Variants in SCN2A observed in about 807,000 individuals in gnomAD.
SCN2A encodes the protein sodium channel protein type 2 subunit alpha.
In SCN2A, 20 loss-of-function variants were observed where a neutral mutation model predicts 188.7. The ratio of observed to expected loss-of-function variants is 0.11; its 90% CI spans 0.07 to 0.15. The LOEUF (loss-of-function observed/expected upper bound fraction) is 0.15, where lower values mean the gene tolerates loss of function less well. Ranked by LOEUF, SCN2A falls within the 10% of genes least tolerant of loss-of-function variation. SCN2A has a pLI of 1.00. For missense variants in SCN2A, 1,278 were observed against 2,445.0 expected (o/e 0.52, Z 10.07); for synonymous variants, 804 against 833.1 (o/e 0.97, Z 0.60).
At chr2:165,383,008 C>T in intron 25 of SCN2A, among the ~76,000 whole-genome samples, 1 of 152,096 alleles carries the variant, frequency 6.6e-6, no homozygotes, top group Non-Finnish European at 1.5e-5. Flanking sequence ...AAAAGTTCAA[C>T]ACATTCAGCT....
intron 14 of SCN2A, among the ~76,000 whole-genome samples, chr2:165,337,019 C>CA (rs1699038439): frequency 6.7e-6 from 1 of 149,622 alleles, no homozygotes; most frequent in South Asian, 2.1e-4. Context: ...TTAGAATAAA[C>CA]AAAAAAGGAC....
chr2:165,328,986 C>CTTTTTTT (rs1269103949), intron 13 of SCN2A, among the ~76,000 whole-genome samples: 106 of 89,326 alleles, frequency 1.2e-3, no homozygotes, highest in Non-Finnish European at 1.5e-3. Flanking sequence ...TAAGATAGTC[C>CTTTTTTT]TTTTTTTTTT....
At chr2:165,368,738 G>T (rs1164637520) in intron 19 of SCN2A, among the ~76,000 whole-genome samples, 1 of 152,122 alleles carries the variant, frequency 6.6e-6, no homozygotes, top group East Asian at 1.9e-4. Context: ...TGATACAAAT[G>T]TGGTTGCATT....
rs144710007 is a variant in SCN2A, at chr2:165,385,647, A to C, written c.4552-1099A>C. Among the ~76,000 whole-genome samples the C allele has an allele frequency of 9.6e-3, 1,458 of 152,332 alleles. 19 individuals carry two copies. The highest frequency in any genetic ancestry group is 0.033 in the African/African-American group (1,369 of 41,578). On this transcript the variant is annotated intron_variant, in intron 25 of 26. Coordinates refer to ENST00000375437, the MANE Select transcript of SCN2A (RefSeq NM_001040142.2). ...AAGAAATTAATCTTGATATAATACC[A>C]TTAAATAAAATACAGAACTGAGTCA...
rs144325450 is a variant in SCN2A at position 165,365,199 on chromosome 2, C to A, written c.3456C>A (p.Ala1152=). Residue 1152 remains alanine, a synonymous_variant, in exon 18 of 27, where the codon GCC becomes GCA. Coordinates refer to ENST00000375437, the MANE Select transcript of SCN2A (RefSeq NM_001040142.2). The part of the protein sequence containing the change: ...EGSTVDIGAP[A]EGEQPEVEPE... ...GCACGGTTGATATTGGAGCTCCCGCCGAGGGAGAACAGCCTGAGGTTGAAC... is the reference window on the plus strand; with the variant it reads ...GCACGGTTGATATTGGAGCTCCCGCAGAGGGAGAACAGCCTGAGGTTGAAC... 6.2e-7 allele frequency: 1 copy of A among 1,613,580 alleles called. No homozygotes were observed. The highest frequency in any genetic ancestry group is 8.5e-7 in the Non-Finnish European group (1 of 1,179,806).
chr2:165,345,700 C>G (rs1286439422), intron 16 of SCN2A, among the ~76,000 whole-genome samples: 1 of 151,970 alleles, frequency 6.6e-6, no homozygotes, highest in Non-Finnish European at 1.5e-5. Context: ...GGCATTTAGC[C>G]CATTTACATT....
At chr2:165,287,937 T>C (rs1695924405) in intron 1 of SCN2A, among the ~76,000 whole-genome samples, 1 of 152,214 alleles carries the variant, frequency 6.6e-6, no homozygotes, top group South Asian at 2.1e-4. Context: ...AGAGATAAAA[T>C]TTATTAGTGT....
intron 23 of SCN2A, among the ~76,000 whole-genome samples, chr2:165,379,256 T>C: frequency 6.6e-6 from 1 of 151,710 alleles, no homozygotes; most frequent in East Asian, 1.9e-4. Flanking sequence ...TGAAAATGAA[T>C]GAATACCGCC....
chr2:165,378,086 G>C (rs922321998), intron 23 of SCN2A, among the ~76,000 whole-genome samples: 3 of 151,412 alleles, frequency 2.0e-5, no homozygotes, highest in Non-Finnish European at 4.4e-5. Context: ...TGTTTCTCTT[G>C]GGAAAGTGAG....
At chr2:165,336,685 A>G (rs946671889) in intron 14 of SCN2A, among the ~76,000 whole-genome samples, 1 of 152,022 alleles carries the variant, frequency 6.6e-6, no homozygotes, top group African/African-American at 2.4e-5. Context: ...AAGTCTGTGA[A>G]TATATTACAA....
At chr2:165,243,009 G>A (rs1191188132) in intron 1 of SCN2A, among the ~76,000 whole-genome samples, 1 of 152,188 alleles carries the variant, frequency 6.6e-6, no homozygotes. Context: ...ATCCTCAGTA[G>A]CAAAACACTT....
chr2:165,378,941 G>A (rs961005428), intron 23 of SCN2A, among the ~76,000 whole-genome samples: 1 of 151,628 alleles, frequency 6.6e-6, no homozygotes, highest in Admixed American at 6.6e-5. Context: ...ATACCAAAAA[G>A]TCTGACAATA....
intron 13 of SCN2A, among the ~76,000 whole-genome samples, chr2:165,330,138 T>C (rs2105291103): frequency 6.6e-6 from 1 of 152,322 alleles, no homozygotes; most frequent in Admixed American, 6.5e-5. Flanking sequence ...GTGCCAGATA[T>C]GGACAGATGT....
intron 13 of SCN2A, chr2:165,327,911 G>A (rs1454241488): frequency 6.6e-6 from 1 of 151,902 alleles, no homozygotes; most frequent in Admixed American, 6.6e-5. Context: ...CCCCTTCCTT[G>A]CCCTCCTATT....
chr2:165,244,264 A>T (rs976964290), intron 1 of SCN2A, among the ~76,000 whole-genome samples: 4 of 152,144 alleles, frequency 2.6e-5, no homozygotes, highest in Non-Finnish European at 5.9e-5. Context: ...ATAAATAAAT[A>T]GAAAAGGAAA....
At chr2:165,359,967 G>A (rs1454493759) in intron 17 of SCN2A, among the ~76,000 whole-genome samples, 2 of 151,820 alleles carry the variant, frequency 1.3e-5, no homozygotes, top group Non-Finnish European at 2.9e-5. Context: ...GGATAATATA[G>A]TATACTGTGA....
intron 11 of SCN2A, among the ~76,000 whole-genome samples, chr2:165,319,451 G>A (rs1697956311): frequency 6.6e-6 from 1 of 152,178 alleles, no homozygotes; most frequent in African/African-American, 2.4e-5. Context: ...AGATATTATT[G>A]AGAAAAAGTA....
chr2:165,318,446 G>A (rs990475796), intron 11 of SCN2A, among the ~76,000 whole-genome samples: 2 of 152,090 alleles, frequency 1.3e-5, no homozygotes, highest in Non-Finnish European at 2.9e-5. Flanking sequence ...TTTAAAGATT[G>A]GTTTGGTATG....
At chr2:165,243,802 A>C (rs1693726379) in intron 1 of SCN2A, 2 of 152,136 alleles carry the variant, frequency 1.3e-5, no homozygotes, top group African/African-American at 4.8e-5. Flanking sequence ...CAGTGGAAAG[A>C]CTTGAAGAAG....
Sources: gnomAD v4.1 joint callset for allele counts (sites outside exome capture counted in the v4.1 genomes callset) on GRCh38, gnomAD v4.1.1 for gene constraint, MANE v1.5 for transcripts, NCBI Gene and HGNC (gene_info 2026-07-23, HGNC 2026-07-21) for gene names.